The following CHST9 variants were observed in gnomAD, a reference collection of about 807,000 sequenced individuals.
The protein encoded by CHST9 is carbohydrate sulfotransferase 9.
A neutral mutation model predicts 44.4 loss-of-function variants in CHST9; 41 were observed. That is an observed-to-expected ratio of 0.92 (90% CI 0.72 to 1.20). The LOEUF is 1.20. CHST9 is among the 50% of genes most tolerant of loss of function. The pLI is 0.00. For missense variants in CHST9, 504 were observed against 516.5 expected (o/e 0.98, Z 0.23); for synonymous variants, 171 against 178.4 (o/e 0.96, Z 0.33).
intron 2 of CHST9, among the ~76,000 whole-genome samples, chr18:27,091,578 G>A (rs2058069392): frequency 1.3e-5 from 2 of 152,124 alleles, no homozygotes; most frequent in Admixed American, 6.6e-5. Flanking sequence ...TATTGGCTGT[G>A]GGTTTGTCAT....
rs34688904 is a variant in CHST9, at chr18:26,909,938, G to A, written c.*6321C>T. On this transcript the variant is annotated 3_prime_UTR_variant, in exon 6 of 6. Transcript: ENST00000618847. ...TTATAAATCAGAAAGAAGAATCTTC[G>A]GAGAAGGCTGGGAAGCAGGTGATTT... 27,351 of 152,186 alleles carry A rather than the reference G, an allele frequency of 0.18. 2,537 individuals are homozygous for A. The highest frequency in any genetic ancestry group is 0.2 in the Non-Finnish European group (13,893 of 68,042). The allele number at this position is 152,186 out of a possible 1,614,324, so 9.4% of individuals were successfully genotyped here.
intron 5 of CHST9, chr18:26,925,937 T>G (rs986268934): frequency 2.0e-5 from 3 of 152,078 alleles, no homozygotes; most frequent in African/African-American, 7.2e-5. Flanking sequence ...TGTAGCAAAG[T>G]TAAATGTTCA....
intron 4 of CHST9, among the ~76,000 whole-genome samples, chr18:26,951,049 CA>C (rs1394154676): frequency 1.3e-5 from 2 of 152,192 alleles, no homozygotes; most frequent in African/African-American, 4.8e-5. Context: ...ATTTTAATCT[CA>C]TTATGTCTTC....
rs75062858 is a variant in CHST9, at chr18:27,088,720, C to T, written c.122-40217G>A. Among the ~76,000 whole-genome samples the T allele has an allele frequency of 2.5e-3, 386 of 152,186 alleles. 2 individuals carry two copies. The highest frequency in any genetic ancestry group is 9.0e-3 in the African/African-American group (372 of 41,524). Reference sequence around the variant, plus strand: ...TATCACTTTTTTTAATGCCTGTGTGCTGGGAAACTTCCCTTAGGGATAGAC... The same window carrying T: ...TATCACTTTTTTTAATGCCTGTGTGTTGGGAAACTTCCCTTAGGGATAGAC... On this transcript the variant is annotated intron_variant, in intron 2 of 5. Transcript: ENST00000618847.
intron 1 of CHST9, among the ~76,000 whole-genome samples, chr18:27,143,224 G>C (rs1455576031): frequency 6.6e-6 from 1 of 152,128 alleles, no homozygotes; most frequent in Non-Finnish European, 1.5e-5. Flanking sequence ...ATTGCAAGTA[G>C]GAAGAATAAC....
At chr18:27,004,392 T>C (rs2056988733) in intron 4 of CHST9, among the ~76,000 whole-genome samples, 2 of 151,986 alleles carry the variant, frequency 1.3e-5, no homozygotes, top group Admixed American at 1.3e-4. Context: ...ACATTTGTGC[T>C]TCCAGTGGTA....
At chr18:26,992,733 GAGA>G (rs2056836536) in intron 4 of CHST9, among the ~76,000 whole-genome samples, 1 of 152,120 alleles carries the variant, frequency 6.6e-6, no homozygotes, top group South Asian at 2.1e-4. Context: ...ACTGGAAAAG[GAGA>G]AGAACGGGAC....
chr18:27,164,420 A>AG (rs1360636662), intron 1 of CHST9, among the ~76,000 whole-genome samples: 10 of 151,820 alleles, frequency 6.6e-5, no homozygotes, highest in Non-Finnish European at 1.5e-4. Flanking sequence ...GTAAACAAAA[A>AG]GAAAAAAAAA....
At chr18:26,947,310 GCTCT>G (rs1163503803) in intron 4 of CHST9, among the ~76,000 whole-genome samples, 2 of 151,970 alleles carry the variant, frequency 1.3e-5, no homozygotes, top group Non-Finnish European at 2.9e-5. Context: ...TCATGATTTG[GCTCT>G]CTGTTTGTCT....
At chr18:26,997,504 C>T (rs1330270435) in intron 4 of CHST9, among the ~76,000 whole-genome samples, 1 of 152,146 alleles carries the variant, frequency 6.6e-6, no homozygotes, top group East Asian at 1.9e-4. Flanking sequence ...GATTTATCTG[C>T]ACAATGCAAG....
chr18:27,134,580 T>C (rs755731234), intron 2 of CHST9, among the ~76,000 whole-genome samples: 9 of 152,160 alleles, frequency 5.9e-5, no homozygotes, highest in Non-Finnish European at 1.0e-4. Context: ...AAAGGTCATA[T>C]CACTGACCAA....
intron 2 of CHST9, among the ~76,000 whole-genome samples, chr18:27,114,858 C>A (rs1024990151): frequency 6.6e-6 from 1 of 152,212 alleles, no homozygotes; most frequent in East Asian, 1.9e-4. Context: ...CATTTGGATA[C>A]GTGGGTACTG....
chr18:26,962,250 G>A (rs544632785), intron 4 of CHST9, among the ~76,000 whole-genome samples: 20 of 151,358 alleles, frequency 1.3e-4, no homozygotes, highest in Middle Eastern at 3.4e-3. Flanking sequence ...ACTATCTTCC[G>A]TGGTCTGCTG....
chr18:27,097,658 A>G (rs1354802863), intron 2 of CHST9, among the ~76,000 whole-genome samples: 3 of 152,068 alleles, frequency 2.0e-5, no homozygotes, highest in African/African-American at 4.8e-5. Flanking sequence ...GTCTTTGCCC[A>G]TGCCTATGTC....
intron 4 of CHST9, among the ~76,000 whole-genome samples, chr18:26,949,259 A>T (rs935631454): frequency 4.6e-5 from 7 of 152,142 alleles, no homozygotes; most frequent in African/African-American, 1.7e-4. Context: ...GGTTCTGGAG[A>T]TTGATTGAAT....
chr18:26,927,718 T>C (rs1350255822), intron 5 of CHST9, among the ~76,000 whole-genome samples: 2 of 90,690 alleles, frequency 2.2e-5, no homozygotes, highest in Non-Finnish European at 4.2e-5. Flanking sequence ...GACATTCCAT[T>C]GCTCAGGGAT....
chr18:27,126,271 T>C (rs2058422896), intron 2 of CHST9, among the ~76,000 whole-genome samples: 1 of 152,180 alleles, frequency 6.6e-6, no homozygotes, highest in African/African-American at 2.4e-5. Context: ...AACTTGATAT[T>C]TTCAAATTGA....
At chr18:26,931,207 C>G (rs370586546) in intron 5 of CHST9, among the ~76,000 whole-genome samples, 314 of 152,314 alleles carry the variant, frequency 2.1e-3, no homozygotes, top group African/African-American at 7.3e-3. Flanking sequence ...ATCATTACCC[C>G]CTTCCCTCAC....
intron 1 of CHST9, among the ~76,000 whole-genome samples, chr18:27,182,931 A>G (rs1287365770): frequency 6.6e-6 from 1 of 152,206 alleles, no homozygotes; most frequent in East Asian, 1.9e-4. Context: ...TATTTTGTAA[A>G]TTCTTCCTTG....
Sources: gnomAD v4.1 joint callset for allele counts (sites outside exome capture counted in the v4.1 genomes callset) on GRCh38, gnomAD v4.1.1 for gene constraint, MANE v1.5 for transcripts, NCBI Gene and HGNC (gene_info 2026-07-23, HGNC 2026-07-21) for gene names.